Variants in GRIP1 observed in about 807,000 individuals in gnomAD.
The protein encoded by GRIP1 is glutamate receptor interacting protein 1.
GRIP1 carries 45 observed loss-of-function variants against 129.9 expected under a neutral mutation model. The ratio of observed to expected loss-of-function variants is 0.35; its 90% confidence interval spans 0.27 to 0.44. GRIP1 has a LOEUF of 0.44. Among genes scored for constraint, GRIP1 ranks in the 20% least tolerant of loss-of-function variants. The pLI is 1.00. For missense variants in GRIP1, 1,196 were observed against 1,396.8 expected, an observed-to-expected ratio of 0.86 and a Z score of 2.29; for synonymous variants, 530 against 520.8, an observed-to-expected ratio of 1.02 and a Z score of -0.24.
chr12:66,788,097 C>G (rs1442472964), intron 1 of GRIP1, among the ~76,000 whole-genome samples: 1 of 152,072 alleles, frequency 6.6e-6, no homozygotes, highest in African/African-American at 2.4e-5. Flanking sequence ...GGGCACAAGA[C>G]AGATTGATAG....
chr12:66,428,709 A>T (rs922681626), intron 14 of GRIP1, among the ~76,000 whole-genome samples: 2 of 152,222 alleles, frequency 1.3e-5, no homozygotes, highest in Non-Finnish European at 2.9e-5. Context: ...ATGGAGATAG[A>T]TGTCACAGAG....
Position 66,921,367 on chromosome 12 carries a change from A to G in GRIP1, c.58+147683T>C, listed in dbSNP as rs1030291823. Among the ~76,000 whole-genome samples, 3 of 152,246 alleles carry G rather than the reference A, an allele frequency of 2.0e-5. No individual in the cohort carries two copies. In the East Asian group the frequency reaches 5.8e-4, roughly 29 times the overall value. ...TCCTGACATGTCAATACATAAGATC[A>G]GTACACAAGAACAAAAGCCTTATCT... On this transcript the variant is annotated intron_variant, in intron 1 of 1. Coordinates refer to the GRIP1 transcript ENST00000643019.
chr12:66,568,619 GATTC>G (rs2062850460), intron 2 of GRIP1: 1 of 185,314 alleles, frequency 5.4e-6, no homozygotes, highest in Non-Finnish European at 1.2e-5. Context: ...GATTGACGCA[GATTC>G]AGAAGAATCT....
In GRIP1 at chr12:66,348,177, T is replaced by C. The variant is rs1414015473; in HGVS notation, c.*842A>G. ...TTCAAAACATGTCAAGCAGTATGAGTTTGGTTTGCCTATCATTAAGATGAA... is the reference window on the plus strand; with the variant it reads ...TTCAAAACATGTCAAGCAGTATGAGCTTGGTTTGCCTATCATTAAGATGAA... On this transcript the variant is annotated 3_prime_UTR_variant, in exon 25 of 25. Coordinates refer to ENST00000359742, the MANE Select transcript of GRIP1 (RefSeq NM_001366722.1). 1 of 152,182 alleles carries C rather than the reference T, an allele frequency of 6.6e-6. No individual in the cohort carries two copies. Among genetic ancestry groups the C allele is most frequent in the Non-Finnish European group, 1.5e-5 (1 of 68,034 alleles). 9.4% of individuals were successfully genotyped at this position (152,182 alleles called of 1,614,324 possible).
intron 5 of GRIP1, among the ~76,000 whole-genome samples, chr12:66,526,648 G>A (rs2061251592): frequency 6.6e-6 from 1 of 151,672 alleles, no homozygotes; most frequent in African/African-American, 2.4e-5. Context: ...AACACCAAAA[G>A]CAATGGCAAC....
intron 1 of GRIP1, among the ~76,000 whole-genome samples, chr12:66,785,343 C>CATACATACATACATACATAT (rs377630345): frequency 1.8e-4 from 13 of 72,788 alleles, no homozygotes; most frequent in African/African-American, 5.6e-4. Context: ...TACATACATA[C>CATACATACATACATACATAT]ATATATATAT....
intron 9 of GRIP1, among the ~76,000 whole-genome samples, chr12:66,457,714 C>A (rs952563): frequency 0.4 from 60,276 of 151,832 alleles, 12,990 homozygotes; most frequent in African/African-American, 0.55. Context: ...CTGAATTGGT[C>A]AATTCGCATC....
At chr12:66,484,016 C>T (rs905920678) in intron 7 of GRIP1, among the ~76,000 whole-genome samples, 11 of 151,952 alleles carry the variant, frequency 7.2e-5, no homozygotes, top group African/African-American at 1.7e-4. Context: ...CCCGCCACTA[C>T]GCCCGGCTAA....
At chr12:66,577,979 CA>C (rs1565879063) in intron 2 of GRIP1, among the ~76,000 whole-genome samples, 1 of 152,082 alleles carries the variant, frequency 6.6e-6, no homozygotes, top group Non-Finnish European at 1.5e-5. Flanking sequence ...ATCAACAAAA[CA>C]AATAAACATT....
intron 24 of GRIP1, among the ~76,000 whole-genome samples, chr12:66,352,778 T>C (rs1199880084): frequency 1.4e-5 from 2 of 147,524 alleles, no homozygotes; most frequent in African/African-American, 5.1e-5. Context: ...CTTCAAAAGG[T>C]CCGTCATCAA....
chr12:66,367,047 T>C (rs1398230328), intron 23 of GRIP1, among the ~76,000 whole-genome samples: 1 of 152,158 alleles, frequency 6.6e-6, no homozygotes, highest in Non-Finnish European at 1.5e-5. Context: ...CTACAAAAAA[T>C]CGTTCTGCCT....
rs913423280 is a variant in GRIP1, at chr12:66,455,593, G to A, written c.1199-29C>T. On this transcript the variant is annotated intron_variant, in intron 10 of 24. Coordinates refer to ENST00000359742, the MANE Select transcript of GRIP1 (RefSeq NM_001366722.1). ...CAAGAGAGTGAAGACGTTGCACAGA[G>A]CACTCTCAGGTGAGGTGTGAGCCCG... 6.2e-6 allele frequency: 10 copies of A among 1,606,892 alleles called. No individual in the cohort carries two copies. In the African/African-American group the frequency reaches 1.3e-4, roughly 21 times the overall value.
At chr12:66,741,904 G>A (rs2036799548) in intron 1 of GRIP1, among the ~76,000 whole-genome samples, 1 of 152,036 alleles carries the variant, frequency 6.6e-6, no homozygotes, top group Non-Finnish European at 1.5e-5. Flanking sequence ...TTTTCCTTAT[G>A]CTTTTCTTTG....
intron 1 of GRIP1, among the ~76,000 whole-genome samples, chr12:66,905,741 T>C (rs2040921046): frequency 6.6e-6 from 1 of 152,210 alleles, no homozygotes; most frequent in Admixed American, 6.5e-5. Context: ...CATTTTAAAG[T>C]GACAGACTAA....
intron 7 of GRIP1, among the ~76,000 whole-genome samples, chr12:66,467,155 G>A (rs945225918): frequency 1.4e-4 from 21 of 152,160 alleles, no homozygotes; most frequent in Non-Finnish European, 3.1e-4. Context: ...ATCTCTTCCT[G>A]TCAATTCCAG....
intron 1 of GRIP1, among the ~76,000 whole-genome samples, chr12:66,621,727 G>A (rs975254082): frequency 2.6e-5 from 4 of 152,078 alleles, no homozygotes; most frequent in Non-Finnish European, 5.9e-5. Flanking sequence ...ATGCAAAAGG[G>A]TTACAGTTTC....
chr12:66,364,926 T>C (rs2055043782), intron 23 of GRIP1, among the ~76,000 whole-genome samples: 1 of 152,118 alleles, frequency 6.6e-6, no homozygotes, highest in African/African-American at 2.4e-5. Context: ...TCCTGTGGTA[T>C]GTGTCCCTTT....
intron 1 of GRIP1, among the ~76,000 whole-genome samples, chr12:66,746,711 A>G (rs2036958496): frequency 6.6e-6 from 1 of 152,320 alleles, no homozygotes; most frequent in East Asian, 1.9e-4. Context: ...CTAAGAGGAA[A>G]AGAATATGAT....
At chr12:66,393,359 A>C (rs1377620166) in intron 17 of GRIP1, among the ~76,000 whole-genome samples, 1 of 151,646 alleles carries the variant, frequency 6.6e-6, no homozygotes, top group African/African-American at 2.4e-5. Context: ...TTCTATTTTT[A>C]GTAGAGATGA....
Sources: allele counts gnomAD v4.1 joint callset (sites outside exome capture counted in the v4.1 genomes callset), GRCh38; gene constraint gnomAD v4.1.1; transcripts MANE v1.5; gene names NCBI Gene and HGNC (gene_info 2026-07-23, HGNC 2026-07-21).